The following EYA2 variants were observed in gnomAD, a reference collection of about 807,000 sequenced individuals.
EYA2 encodes the protein EYA transcriptional coactivator and phosphatase 2, also known as protein phosphatase EYA2.
Under a neutral mutation model 69.2 loss-of-function variants are expected in EYA2, and 31 were observed. The ratio of observed to expected loss-of-function variants is 0.45; its 90% CI spans 0.34 to 0.60. The LOEUF (loss-of-function observed/expected upper bound fraction) is 0.60. Among genes scored for constraint, EYA2 ranks in the 20% least tolerant of loss-of-function variants. The pLI, the probability that EYA2 is intolerant of heterozygous loss-of-function variation, is 0.02. For synonymous variants in EYA2, 257 were observed against 279.4 expected (o/e 0.92, Z 0.80); for missense variants, 622 against 701.2 (o/e 0.89, Z 1.28).
At chr20:47,125,183 A>G (rs1404243078) in intron 9 of EYA2, among the ~76,000 whole-genome samples, 1 of 150,978 alleles carries the variant, frequency 6.6e-6, no homozygotes, top group African/African-American at 2.4e-5. Context: ...CCTCCCGAGT[A>G]GCTGGGACTA....
At chr20:47,021,124 C>T (rs1983719975) in intron 5 of EYA2, among the ~76,000 whole-genome samples, 3 of 152,210 alleles carry the variant, frequency 2.0e-5, no homozygotes, top group African/African-American at 7.2e-5. Context: ...CTAACGCTCT[C>T]TAAACGTTAA....
chr20:46,929,253 T>C (rs746935199), intron 1 of EYA2, among the ~76,000 whole-genome samples: 1 of 151,936 alleles, frequency 6.6e-6, no homozygotes, highest in Non-Finnish European at 1.5e-5. Context: ...TGGAAGGATT[T>C]AAACTGCTAT....
intron 1 of EYA2, among the ~76,000 whole-genome samples, chr20:46,917,861 G>T (rs138934088): frequency 6.6e-6 from 1 of 152,202 alleles, no homozygotes; most frequent in Non-Finnish European, 1.5e-5. Context: ...TGATCAGGGC[G>T]GTGGTTGCTG....
At chr20:47,127,592 C>G (rs575153931) in intron 9 of EYA2, among the ~76,000 whole-genome samples, 1 of 152,302 alleles carries the variant, frequency 6.6e-6, no homozygotes, top group Admixed American at 6.5e-5. Context: ...ATGAAGAGCA[C>G]AAAGCAGATT....
At chr20:47,141,207 A>G in intron 9 of EYA2, among the ~76,000 whole-genome samples, 1 of 152,218 alleles carries the variant, frequency 6.6e-6, no homozygotes, top group East Asian at 1.9e-4. Flanking sequence ...GGCACAGAGA[A>G]AGCACTTCAT....
chr20:47,015,431 C>T (rs1219357125), intron 4 of EYA2, among the ~76,000 whole-genome samples: 3 of 152,038 alleles, frequency 2.0e-5, no homozygotes, highest in South Asian at 2.1e-4. Context: ...CAGGTCCCCC[C>T]GTGAGATTGG....
chr20:46,932,237 C>A (rs914668916), intron 1 of EYA2, among the ~76,000 whole-genome samples: 3 of 152,096 alleles, frequency 2.0e-5, no homozygotes, highest in Non-Finnish European at 4.4e-5. Context: ...AGTCCGTCTA[C>A]TTCCTCCACC....
intron 1 of EYA2, among the ~76,000 whole-genome samples, chr20:46,897,243 G>T (rs998726532): frequency 1.1e-4 from 17 of 152,314 alleles, no homozygotes; most frequent in African/African-American, 4.1e-4. Flanking sequence ...AATGCTAGCT[G>T]CTGTTGGGAG....
chr20:47,178,575 A>G (rs554982470), intron 12 of EYA2, among the ~76,000 whole-genome samples: 47 of 151,814 alleles, frequency 3.1e-4, no homozygotes, highest in African/African-American at 1.1e-3. Context: ...TTTGAACTTT[A>G]TCTTAAAGCT....
chr20:47,159,989 C>T (rs2034031274), intron 10 of EYA2, among the ~76,000 whole-genome samples: 1 of 150,576 alleles, frequency 6.6e-6, no homozygotes, highest in Non-Finnish European at 1.5e-5. Flanking sequence ...GAGATGAGGT[C>T]AGGGAGGTGA....
intron 7 of EYA2, among the ~76,000 whole-genome samples, chr20:47,081,786 A>T (rs2031729108): frequency 1.3e-5 from 2 of 151,452 alleles, no homozygotes; most frequent in African/African-American, 4.8e-5. Flanking sequence ...CTCAAAAAAA[A>T]AAAAAAAGAA....
intron 1 of EYA2, among the ~76,000 whole-genome samples, chr20:46,961,318 T>C (rs985227797): frequency 6.6e-6 from 1 of 152,072 alleles, no homozygotes; most frequent in African/African-American, 2.4e-5. Flanking sequence ...AGAGCGAGAC[T>C]CTGTCTCAAA....
chr20:47,083,746 T>A (rs56179591), intron 7 of EYA2, among the ~76,000 whole-genome samples: 18,212 of 152,138 alleles, frequency 0.12, 1,406 homozygotes, highest in Non-Finnish European at 0.17. Flanking sequence ...AGATTTCTCA[T>A]ATGTAACACC....
At chr20:46,944,493 G>C (rs1310178286) in intron 1 of EYA2, among the ~76,000 whole-genome samples, 2 of 152,128 alleles carry the variant, frequency 1.3e-5, no homozygotes, top group Admixed American at 6.5e-5. Context: ...ACTACACCAA[G>C]CACTCAGGGC....
rs1234106667 is a variant in EYA2, at chr20:47,016,278, A to G, written c.396A>G (p.Pro132=). ...SFSTSPTGQS[P]YTYQMHGTTG... ...GCACCTCACCCACTGGACAGAGCCCATACACCTACCAGATGCACGGTCAGT... is the reference window on the plus strand; with the variant it reads ...GCACCTCACCCACTGGACAGAGCCCGTACACCTACCAGATGCACGGTCAGT... Residue 132 remains proline (P), a synonymous_variant, in exon 5 of 16, where the codon CCA becomes CCG. Transcript: ENST00000327619. The G allele has an allele frequency of 1.1e-5, 17 of 1,613,928 alleles. No individual in the cohort carries two copies. Among genetic ancestry groups the G allele is most frequent in the Non-Finnish European group, 1.4e-5 (16 of 1,179,900 alleles).
chr20:47,002,170 C>T (rs1419689092), intron 3 of EYA2, among the ~76,000 whole-genome samples: 1 of 151,624 alleles, frequency 6.6e-6, no homozygotes, highest in African/African-American at 2.4e-5. Flanking sequence ...CCACCTCTCT[C>T]TCCCTTTTCC....
At chr20:47,183,140 G>T (rs8124995) in intron 14 of EYA2, 151 bp from the exon 15 acceptor site, 334,147 of 682,664 alleles carry the variant, frequency 0.49, 85,541 homozygotes, top group African/African-American at 0.81. Flanking sequence ...ATGATAACAG[G>T]GCTCACCTCA....
intron 14 of EYA2, among the ~76,000 whole-genome samples, 159 bp from the exon 15 acceptor site, chr20:47,183,132 G>A (rs559290688): frequency 5.3e-5 from 8 of 152,136 alleles, no homozygotes; most frequent in Non-Finnish European, 7.4e-5. Flanking sequence ...ATGTGGGGAT[G>A]ATAACAGGGC....
At chr20:47,126,788 C>G (rs1380323184) in intron 9 of EYA2, among the ~76,000 whole-genome samples, 1 of 152,116 alleles carries the variant, frequency 6.6e-6, no homozygotes, top group African/African-American at 2.4e-5. Context: ...CGTCTGGAGA[C>G]ATTTTTGACT....
Sources: allele counts gnomAD v4.1 joint callset (sites outside exome capture counted in the v4.1 genomes callset), GRCh38; gene constraint gnomAD v4.1.1; transcripts MANE v1.5; gene names NCBI Gene and HGNC (gene_info 2026-07-23, HGNC 2026-07-21).